The following APPL1 variants were observed in gnomAD, a reference collection of about 807,000 sequenced individuals.
The protein encoded by APPL1 is adaptor protein, phosphotyrosine interacting with PH domain and leucine zipper 1, also known as DCC-interacting protein 13-alpha.
In APPL1, 42 loss-of-function variants were observed where a neutral mutation model predicts 106.8. The observed-to-expected ratio is 0.39, with a 90% CI of 0.31 to 0.51. The LOEUF (loss-of-function observed/expected upper bound fraction) is 0.51. Among genes scored for constraint, APPL1 ranks in the 20% least tolerant of loss-of-function variants. The pLI, the probability that APPL1 is intolerant of heterozygous loss-of-function variation, is 0.75. For missense variants in APPL1, 769 were observed against 858.2 expected (o/e 0.90, Z 1.30); for synonymous variants, 263 against 281.8 (o/e 0.93, Z 0.67).
chr3:57,245,728 A>G (rs1410701353), intron 7 of APPL1, among the ~76,000 whole-genome samples: 1 of 151,548 alleles, frequency 6.6e-6, no homozygotes, highest in East Asian at 1.9e-4. Flanking sequence ...TCCATTTTTA[A>G]TAGAGTCGGT....
chr3:57,259,850 A>G lies in APPL1; in HGVS notation c.1489A>G (p.Ile497Val), dbSNP rs1189508652. The G allele has an allele frequency of 7.6e-6, 12 of 1,589,224 alleles. No homozygotes were observed. Among genetic ancestry groups the G allele is most frequent in the East Asian group, 2.2e-5 (1 of 44,680 alleles). The change falls in exon 17 of 22, where the codon ATT (isoleucine) becomes GTT (valine). Residue 497 changes from isoleucine (I) to valine (V), a missense_variant. By Grantham distance (29) the Ile-to-Val change is conservative. Coordinates refer to ENST00000288266, the MANE Select transcript of APPL1 (RefSeq NM_012096.3). ...TACACCTTGTTCTATTATAGATTCTATTCTTCATCAGTTATTTATTGTCCG... is the reference window on the plus strand; with the variant it reads ...TACACCTTGTTCTATTATAGATTCTGTTCTTCATCAGTTATTTATTGTCCG... Reference protein sequence around the residue: ...GSTKSETEDSILHQLFIVRFL... With the variant: ...GSTKSETEDSVLHQLFIVRFL...
At chr3:57,265,642 GT>G (rs1294248505) in intron 19 of APPL1, among the ~76,000 whole-genome samples, 2 of 152,120 alleles carry the variant, frequency 1.3e-5, no homozygotes, top group Non-Finnish European at 2.9e-5. Flanking sequence ...AGTTCTAATA[GT>G]TTTTTGGTGG....
At chr3:57,242,043 T>G (rs1424894547) in intron 5 of APPL1, 58 bp from the exon 6 acceptor site, 1 of 1,273,322 alleles carries the variant, frequency 7.9e-7, no homozygotes, top group Non-Finnish European at 1.1e-6. Context: ...GTTATTGTTT[T>G]CCAAACAAAT....
chr3:57,264,471 G>C (rs112935162), intron 19 of APPL1, among the ~76,000 whole-genome samples: 55 of 151,544 alleles, frequency 3.6e-4, no homozygotes, highest in African/African-American at 1.2e-3. Context: ...TGATGTCCTG[G>C]AGAGTTTCCC....
At chr3:57,242,048 A>G in intron 5 of APPL1, 53 bp from the exon 6 acceptor site, 1 of 1,322,612 alleles carries the variant, frequency 7.6e-7, no homozygotes, top group Non-Finnish European at 1.1e-6. Context: ...TGTTTTCCAA[A>G]CAAATGTATT....
chr3:57,235,797 G>T (rs934426689), intron 2 of APPL1, 133 bp downstream of exon 2: 1 of 572,834 alleles, frequency 1.7e-6, no homozygotes. Flanking sequence ...TTTGTTGAAT[G>T]GATTAATGAA....
rs1394781721 is a variant in APPL1 at position 57,257,011 on chromosome 3, T to C, written c.1207T>C (p.Ser403Pro). 3.1e-6 allele frequency: 5 copies of C among 1,614,030 alleles called. No homozygotes were observed. The Admixed American group carries it at 8.3e-5, about 27-fold the overall frequency. Reference sequence around the variant, plus strand: ...TCTGGAAGCTGTCACTCCTTCCCCATCTTTCCAGCAGAGGCACGAGAGCCT... The same window carrying C: ...TCTGGAAGCTGTCACTCCTTCCCCACCTTTCCAGCAGAGGCACGAGAGCCT... ...SALEAVTPSP[S>P]FQQRHESLRP... The change falls in exon 14 of 22, where the codon TCT becomes CCT. Residue 403 changes from serine to proline, a missense_variant. Coordinates refer to ENST00000288266, the MANE Select transcript of APPL1 (RefSeq NM_012096.3).
At chr3:57,232,312 T>C (rs1176533331) in intron 1 of APPL1, among the ~76,000 whole-genome samples, 2 of 152,226 alleles carry the variant, frequency 1.3e-5, no homozygotes, top group African/African-American at 2.4e-5. Context: ...TTTTGATGTC[T>C]CTGATTGGGA....
intron 14 of APPL1, 52 bp from the exon 15 acceptor site, chr3:57,257,194 T>G (rs1388929052): frequency 2.3e-5 from 37 of 1,574,634 alleles, no homozygotes; most frequent in Non-Finnish European, 3.0e-5. Context: ...TGTTAAATAT[T>G]TAATATCCAA....
At chr3:57,268,373 T>C in intron 20 of APPL1, 25 bp from the exon 21 acceptor site, 2 of 1,496,470 alleles carry the variant, frequency 1.3e-6, no homozygotes, top group Non-Finnish European at 1.8e-6. Context: ...ATTTAATTCA[T>C]TAGTTTTATT....
chr3:57,231,685 G>A (rs2060687728), intron 1 of APPL1, among the ~76,000 whole-genome samples: 1 of 151,856 alleles, frequency 6.6e-6, no homozygotes, highest in Non-Finnish European at 1.5e-5. Context: ...GCATGCACCT[G>A]TAGTCCCAGC....
chr3:57,247,328 G>T, intron 8 of APPL1, 67 bp from the exon 9 acceptor site: 1 of 863,698 alleles, frequency 1.2e-6, no homozygotes, highest in South Asian at 1.5e-5. Flanking sequence ...TTGTTTATAT[G>T]ATTTACTTTA....
chr3:57,257,100 G>A (rs2060841174), intron 14 of APPL1, 49 bp downstream of exon 14: 2 of 1,585,412 alleles, frequency 1.3e-6, no homozygotes, highest in Non-Finnish European at 8.7e-7. Context: ...GCTATTTAAA[G>A]TATCTGTGAT....
chr3:57,271,568 A>G lies in APPL1; in HGVS notation c.*1881A>G, dbSNP rs2060940219. On this transcript the variant is annotated 3_prime_UTR_variant, in exon 22 of 22. Coordinates refer to ENST00000288266, the MANE Select transcript of APPL1 (RefSeq NM_012096.3). ...CATTAAGTCTTTTGTTTATACTACAAATTGTCACCTCACTTAGTTCAGATG... is the reference window on the plus strand; with the variant it reads ...CATTAAGTCTTTTGTTTATACTACAGATTGTCACCTCACTTAGTTCAGATG... The G allele has an allele frequency of 4.6e-5, 7 of 152,178 alleles. No homozygotes were observed. The allele number at this position is 152,178 out of a possible 1,614,324, so 9.4% of individuals were successfully genotyped here. A position where few individuals can be genotyped will look rare whatever the true frequency, so the allele number is the denominator to read the frequency against.
intron 19 of APPL1, among the ~76,000 whole-genome samples, chr3:57,266,581 C>T (rs1450908577): frequency 6.6e-6 from 1 of 152,022 alleles, no homozygotes. Context: ...TCTTCTTTTT[C>T]TTAGTCTGGC....
intron 13 of APPL1, among the ~76,000 whole-genome samples, chr3:57,253,992 A>G (rs1434806720): frequency 2.3e-4 from 35 of 152,002 alleles, no homozygotes; most frequent in African/African-American, 7.5e-4. Context: ...CCTCACCAGT[A>G]GCTGAGATTA....
At position 57,257,038 on chromosome 3, in the gene APPL1, C is replaced by T. The variant is rs766376934; in HGVS notation, c.1234C>T (p.Arg412Trp). ...PSFQQRHESL[R>W]PAAGQSRPPT... ...TTTCCAGCAGAGGCACGAGAGCCTG[C>T]GGCCAGCAGCAGGGTAAGTTACCAC... is the stretch of plus-strand genomic sequence containing the variant. Residue 412 changes from arginine to tryptophan, a missense_variant, in exon 14 of 22, where the codon CGG becomes TGG. Coordinates refer to ENST00000288266, the MANE Select transcript of APPL1 (RefSeq NM_012096.3). 61 of 1,613,946 alleles carry T rather than the reference C, an allele frequency of 3.8e-5. No homozygotes were observed. The highest frequency in any genetic ancestry group is 4.3e-5 in the Non-Finnish European group (51 of 1,179,966).
chr3:57,243,551 G>T (rs574172474), intron 7 of APPL1, among the ~76,000 whole-genome samples: 1 of 152,274 alleles, frequency 6.6e-6, no homozygotes, highest in South Asian at 2.1e-4. Context: ...CTTGGCTGCA[G>T]CTGCTGGTGG....
At chr3:57,240,831 A>G (rs949609908) in intron 5 of APPL1, among the ~76,000 whole-genome samples, 3 of 152,196 alleles carry the variant, frequency 2.0e-5, no homozygotes, top group Admixed American at 6.5e-5. Flanking sequence ...GGAATGAGCA[A>G]GGTGCTGGCG....
Sources: allele counts gnomAD v4.1 joint callset (sites outside exome capture counted in the v4.1 genomes callset), GRCh38; gene constraint gnomAD v4.1.1; transcripts MANE v1.5; gene names NCBI Gene and HGNC (gene_info 2026-07-23, HGNC 2026-07-21).